Variants in MAD1L1 observed in about 807,000 individuals in gnomAD.
MAD1L1 encodes the protein mitotic spindle assembly checkpoint protein MAD1.
A neutral mutation model predicts 96.9 loss-of-function variants in MAD1L1; 95 were observed. That is an observed-to-expected ratio of 0.98 (90% confidence interval 0.83 to 1.16). MAD1L1 has a LOEUF of 1.16. Among genes scored for constraint, MAD1L1 ranks in the 50% most tolerant of loss-of-function variants. MAD1L1 has a pLI of 0.00. For missense variants in MAD1L1, 1,007 were observed against 954.4 expected (o/e 1.06, Z -0.73); for synonymous variants, 473 against 396.6 (o/e 1.19, Z -2.29).
chr7:2,060,933 G>T (rs1784635296), intron 12 of MAD1L1, among the ~76,000 whole-genome samples: 2 of 152,244 alleles, frequency 1.3e-5, no homozygotes, highest in Non-Finnish European at 2.9e-5. Context: ...GAAATTCCGA[G>T]AGTGAAAAAG....
chr7:2,137,353 C>T (rs556624754), intron 11 of MAD1L1, among the ~76,000 whole-genome samples: 56 of 152,322 alleles, frequency 3.7e-4, no homozygotes, highest in African/African-American at 1.3e-3. Flanking sequence ...CAGAACTGAC[C>T]CAAGCACCCT....
At chr7:2,002,464 C>A (rs981503333) in intron 13 of MAD1L1, among the ~76,000 whole-genome samples, 2 of 152,148 alleles carry the variant, frequency 1.3e-5, no homozygotes, top group Non-Finnish European at 2.9e-5. Context: ...TGGGGAGAGA[C>A]GGAGGGAAAG....
At position 2,088,226 on chromosome 7, in the gene MAD1L1, G is replaced by T. The variant is rs1009522738; in HGVS notation, c.1074-18888C>A. Among the ~76,000 whole-genome samples the T allele has an allele frequency of 6.6e-6, 1 of 152,122 alleles. No homozygotes were observed. Among genetic ancestry groups the T allele is most frequent in the Non-Finnish European group, 1.5e-5 (1 of 68,020 alleles). On this transcript the variant is annotated intron_variant, in intron 11 of 18. Transcript: ENST00000265854. The surrounding 1 kb of genome is among the most constrained non-coding windows in gnomAD (Gnocchi z 4.4). ...TGGATCACACATCGCGCCTCTTCAC[G>T]CCTCCTCACACCCCTGCCTGAAACC...
In MAD1L1 at chr7:2,069,335, G is replaced by A. The variant is rs1330319237; in HGVS notation, c.1077C>T (p.Ala359=). Reference sequence around the variant, plus strand: ...GCTGCCTGGCCTTCTCCAGCCCCCGGGCGCTGCATGGGAGAGACAAGAGGG... The same window carrying A: ...GCTGCCTGGCCTTCTCCAGCCCCCGAGCGCTGCATGGGAGAGACAAGAGGG... ...KDKNSAVTSS[A]RGLEKARQQL... is the part of the protein sequence containing the mutation. The change falls in exon 12 of 19, where the codon GCC becomes GCT. Residue 359 remains alanine, a synonymous_variant. Transcript: ENST00000265854. 1 of 1,593,746 alleles carries A rather than the reference G, an allele frequency of 6.3e-7. No homozygotes were observed. Among genetic ancestry groups the A allele is most frequent in the Non-Finnish European group, 8.5e-7 (1 of 1,173,894 alleles).
intron 17 of MAD1L1, among the ~76,000 whole-genome samples, chr7:1,901,170 G>A (rs1257450565): frequency 2.0e-5 from 3 of 152,158 alleles, no homozygotes; most frequent in Non-Finnish European, 4.4e-5. Context: ...TTCAGTTTGG[G>A]GCAGATCAAG....
At chr7:2,168,060 G>A (rs1453483447) in intron 10 of MAD1L1, among the ~76,000 whole-genome samples, 3 of 152,196 alleles carry the variant, frequency 2.0e-5, no homozygotes, top group Admixed American at 6.5e-5. Flanking sequence ...CGAGGCGGGT[G>A]GATCACTTGA....
chr7:2,132,436 G>A (rs1349903289), intron 11 of MAD1L1, among the ~76,000 whole-genome samples: 2 of 151,592 alleles, frequency 1.3e-5, no homozygotes, highest in African/African-American at 2.4e-5. Context: ...GCGACCGCGC[G>A]TCCACCATCA....
chr7:2,082,098 G>C (rs1380022216), intron 11 of MAD1L1, among the ~76,000 whole-genome samples: 1 of 152,288 alleles, frequency 6.6e-6, no homozygotes, highest in Middle Eastern at 3.4e-3. Context: ...AGCAGAGACC[G>C]AGGAATAAAG....
chr7:2,122,442 G>A (rs756738364), intron 11 of MAD1L1, among the ~76,000 whole-genome samples: 9 of 152,050 alleles, frequency 5.9e-5, no homozygotes, highest in African/African-American at 1.4e-4. Context: ...AGCCTAACAC[G>A]GACAAACCCC....
intron 11 of MAD1L1, among the ~76,000 whole-genome samples, chr7:2,141,472 G>A (rs537582059): frequency 3.9e-5 from 6 of 152,294 alleles, no homozygotes; most frequent in East Asian, 1.9e-4. Flanking sequence ...CAGAGAACCC[G>A]GCATTGGCAG....
intron 17 of MAD1L1, among the ~76,000 whole-genome samples, chr7:1,909,461 T>C (rs929188085): frequency 1.3e-5 from 2 of 152,242 alleles, no homozygotes; most frequent in African/African-American, 4.8e-5. Flanking sequence ...GCCATGGGCA[T>C]GGGGCATTGC....
At chr7:2,081,567 T>C (rs752419267) in intron 11 of MAD1L1, among the ~76,000 whole-genome samples, 1 of 152,174 alleles carries the variant, frequency 6.6e-6, no homozygotes, top group Non-Finnish European at 1.5e-5. Context: ...GGGCGCTCCC[T>C]GCATCACTGC....
At chr7:1,966,740 C>T (rs910897737) in intron 15 of MAD1L1, among the ~76,000 whole-genome samples, 1 of 152,184 alleles carries the variant, frequency 6.6e-6, no homozygotes, top group African/African-American at 2.4e-5. Flanking sequence ...AACAGCGATT[C>T]GAGCGTCTGC....
chr7:1,865,400 G>A (rs1489193078), intron 18 of MAD1L1, among the ~76,000 whole-genome samples: 1 of 152,248 alleles, frequency 6.6e-6, no homozygotes, highest in Non-Finnish European at 1.5e-5. Context: ...TCCCAGCCCT[G>A]CTGCTGCCCG....
chr7:1,926,371 T>C (rs1315266385), intron 17 of MAD1L1, among the ~76,000 whole-genome samples: 1 of 152,244 alleles, frequency 6.6e-6, no homozygotes, highest in Non-Finnish European at 1.5e-5. Flanking sequence ...AAAGGGGGAA[T>C]ACTTCCAATT....
At chr7:1,905,467 T>G (rs570484484) in intron 17 of MAD1L1, among the ~76,000 whole-genome samples, 1 of 145,200 alleles carries the variant, frequency 6.9e-6, no homozygotes, top group Non-Finnish European at 1.5e-5. Context: ...CAGTGGCCTA[T>G]GGAAGACGCT....
intron 18 of MAD1L1, chr7:1,849,374 T>C (rs1356972135): frequency 6.6e-6 from 1 of 152,238 alleles, no homozygotes; most frequent in African/African-American, 2.4e-5. Context: ...AGGTACTGTT[T>C]TGCAGACACA....
rs748475142 is a variant in MAD1L1, at chr7:1,881,253, C to A, written c.1998+16947G>T. 3.3e-5 allele frequency among the ~76,000 whole-genome samples: 5 copies of A among 152,242 alleles called. 1 individual carries two copies. The East Asian group carries it at 9.6e-4, about 29-fold the overall frequency. On this transcript the variant is annotated intron_variant, in intron 18 of 18. Transcript: ENST00000265854. ...TTAAATGGTCACGCATTTGAATTAA[C>A]CCATTTATGCCTAGTGTTCCATTAT...
chr7:2,161,289 G>C (rs1333318934), intron 10 of MAD1L1, among the ~76,000 whole-genome samples: 1 of 151,822 alleles, frequency 6.6e-6, no homozygotes, highest in African/African-American at 2.4e-5. Flanking sequence ...GTATTTTTTG[G>C]TGGAGACGGG....
Sources: allele counts gnomAD v4.1 joint callset (sites outside exome capture counted in the v4.1 genomes callset), GRCh38; gene constraint gnomAD v4.1.1; non-coding constraint Gnocchi (gnomAD v3.1); transcripts MANE v1.5; gene names NCBI Gene and HGNC (gene_info 2026-07-23, HGNC 2026-07-21).